TMEM74: variants seen among roughly 807,000 people sequenced by gnomAD.
TMEM74 encodes transmembrane protein 74.
A neutral mutation model predicts 18.1 loss-of-function variants in TMEM74; 13 were observed. The observed-to-expected ratio is 0.72, with a 90% CI of 0.47 to 1.14. The LOEUF is 1.14. TMEM74 is among the 50% of genes most tolerant of loss of function. The pLI is 0.00. For missense variants in TMEM74, 372 were observed against 375.9 expected (o/e 0.99, Z 0.09); for synonymous variants, 159 against 146.6 (o/e 1.08, Z -0.61).
At chr8:108,762,252 C>G (rs943707859) in intron 1 of TMEM74, among the ~76,000 whole-genome samples, 2 of 152,110 alleles carry the variant, frequency 1.3e-5, no homozygotes, top group Admixed American at 1.3e-4. Flanking sequence ...ATATATAATA[C>G]ACTTTGACAT....
At position 108,702,723 on chromosome 8, in the gene TMEM74, G is replaced by A. The variant is rs185232941; in HGVS notation, n.120-47286C>T. Among the ~76,000 whole-genome samples the A allele has an allele frequency of 3.3e-4, 50 of 151,520 alleles. No homozygotes were observed. The East Asian group carries it at 9.3e-3, about 28-fold the overall frequency. On this transcript the variant is annotated intron_variant and non_coding_transcript_variant, in intron 1 of 3. Transcript: ENST00000518838. ...CCCATTAACTGGTCATTTAACATTA[G>A]GTATATCTCTTCATGCTATCCCTCC...
At chr8:108,786,894 C>T (rs1814392178) in intron 1 of TMEM74, among the ~76,000 whole-genome samples, 2 of 152,156 alleles carry the variant, frequency 1.3e-5, no homozygotes, top group Admixed American at 1.3e-4. Context: ...CCGCCTCTAC[C>T]TCTCTTTAAA....
At chr8:108,675,215 C>T (rs559945178) in intron 1 of TMEM74, among the ~76,000 whole-genome samples, 5 of 152,306 alleles carry the variant, frequency 3.3e-5, no homozygotes, top group African/African-American at 1.2e-4. Context: ...TTTATGGTGT[C>T]ATCTCCCCAC....
chr8:108,736,090 C>T (rs1238230554), intron 1 of TMEM74, among the ~76,000 whole-genome samples: 10 of 151,964 alleles, frequency 6.6e-5, no homozygotes, highest in African/African-American at 2.4e-4. Context: ...TGAAAAATCC[C>T]TAGTTTCTAA....
intron 1 of TMEM74, among the ~76,000 whole-genome samples, chr8:108,744,539 A>G (rs1327338237): frequency 6.6e-6 from 1 of 152,178 alleles, no homozygotes; most frequent in Non-Finnish European, 1.5e-5. Flanking sequence ...CCTATGAGAC[A>G]CATTAGTGCA....
intron 1 of TMEM74, among the ~76,000 whole-genome samples, chr8:108,709,265 A>G (rs1246749091): frequency 1.3e-5 from 2 of 152,200 alleles, no homozygotes; most frequent in Non-Finnish European, 2.9e-5. Flanking sequence ...TAACCAAGAT[A>G]TGGAAACAAT....
intron 1 of TMEM74, among the ~76,000 whole-genome samples, chr8:108,722,531 T>A (rs1813595658): frequency 6.6e-6 from 1 of 152,162 alleles, no homozygotes; most frequent in African/African-American, 2.4e-5. Flanking sequence ...ATTTCAAGGA[T>A]TTCAGTTTTG....
chr8:108,690,010 T>A (rs1460727695), intron 1 of TMEM74, among the ~76,000 whole-genome samples: 1 of 152,178 alleles, frequency 6.6e-6, no homozygotes, highest in East Asian at 1.9e-4. Context: ...TTTATATGTC[T>A]GTGTCTTTTA....
At chr8:108,657,392 A>G (rs1812830135) in intron 1 of TMEM74, among the ~76,000 whole-genome samples, 1 of 152,020 alleles carries the variant, frequency 6.6e-6, no homozygotes, top group Non-Finnish European at 1.5e-5. Flanking sequence ...CTGAAGCACC[A>G]GCATAACAAG....
intron 1 of TMEM74, among the ~76,000 whole-genome samples, chr8:108,685,743 CT>C (rs1177825089): frequency 2.6e-4 from 40 of 152,068 alleles, no homozygotes; most frequent in Middle Eastern, 3.4e-3. Context: ...ATAGAATTGT[CT>C]GAGAGAAGGA....
intron 1 of TMEM74, among the ~76,000 whole-genome samples, chr8:108,673,946 G>T (rs1254012019): frequency 6.6e-6 from 1 of 152,110 alleles, no homozygotes; most frequent in Non-Finnish European, 1.5e-5. Context: ...TTATGAATGG[G>T]TTCAAACATT....
At chr8:108,752,601 C>G (rs967875319) in intron 1 of TMEM74, among the ~76,000 whole-genome samples, 17 of 152,064 alleles carry the variant, frequency 1.1e-4, no homozygotes, top group African/African-American at 4.1e-4. Flanking sequence ...AAACTAACAA[C>G]CTAATTGCAT....
intron 1 of TMEM74, among the ~76,000 whole-genome samples, chr8:108,659,323 A>G (rs910281522): frequency 6.7e-6 from 1 of 149,778 alleles, no homozygotes; most frequent in Non-Finnish European, 1.5e-5. Flanking sequence ...AAGTTTTCTA[A>G]GGCAAGTGCT....
At chr8:108,720,995 C>T (rs1454552280) in intron 1 of TMEM74, among the ~76,000 whole-genome samples, 1 of 152,100 alleles carries the variant, frequency 6.6e-6, no homozygotes, top group African/African-American at 2.4e-5. Context: ...TTTCAAACTC[C>T]TGATTTCAAA....
rs1035261440 is a variant in TMEM74, at chr8:108,750,238, T to C, written n.119+37238A>G. ...CACAGTAAAGTGACTTGTGTAAACATTGTTTCACCCAGCATTGCTCAAACA... is the reference window on the plus strand; with the variant it reads ...CACAGTAAAGTGACTTGTGTAAACACTGTTTCACCCAGCATTGCTCAAACA... On this transcript the variant is annotated intron_variant and non_coding_transcript_variant, in intron 1 of 3. Coordinates refer to the TMEM74 transcript ENST00000518838. Among the ~76,000 whole-genome samples the C allele has an allele frequency of 5.3e-5, 8 of 152,186 alleles. No individual in the cohort carries two copies. The East Asian group carries it at 1.5e-3, about 29-fold the overall frequency.
At chr8:108,657,885 T>TATATATATATTAATTAC (rs1554630315) in intron 1 of TMEM74, among the ~76,000 whole-genome samples, 6 of 114,118 alleles carry the variant, frequency 5.3e-5, no homozygotes, top group African/African-American at 2.2e-4. Flanking sequence ...TATATATATA[T>TATATATATATTAATTAC]ATATATATAT....
chr8:108,756,652 G>A (rs868286741), intron 1 of TMEM74, among the ~76,000 whole-genome samples: 2,070 of 38,798 alleles, frequency 0.053, 108 homozygotes, highest in Middle Eastern at 0.11. Flanking sequence ...GAAAGAAAGA[G>A]AAAGAAAGAA....
chr8:108,693,773 C>G lies in TMEM74; in HGVS notation n.120-38336G>C, dbSNP rs576903994. Among the ~76,000 whole-genome samples the G allele has an allele frequency of 3.3e-5, 5 of 152,308 alleles. No individual in the cohort carries two copies. The South Asian group carries it at 1.0e-3, about 32-fold the overall frequency. On this transcript the variant is annotated intron_variant and non_coding_transcript_variant, in intron 1 of 3. Transcript: ENST00000518838. ...TGCATGTCAAGAAGTCAATCAATGG[C>G]AGGCATGCAGCAAAATAGCAGAGTA...
intron 2 of TMEM74, among the ~76,000 whole-genome samples, chr8:108,617,330 T>C (rs1402488424): frequency 6.6e-6 from 1 of 152,116 alleles, no homozygotes; most frequent in African/African-American, 2.4e-5. Flanking sequence ...CTTCAGGATC[T>C]CCTCTAGTTT....
Sources: allele counts gnomAD v4.1 joint callset (sites outside exome capture counted in the v4.1 genomes callset), GRCh38; gene constraint gnomAD v4.1.1; transcripts MANE v1.5; gene names NCBI Gene and HGNC (gene_info 2026-07-23, HGNC 2026-07-21).